The following KCMF1 variants were observed in gnomAD, a reference collection of about 807,000 sequenced individuals.
KCMF1 encodes the protein E3 ubiquitin-protein ligase KCMF1.
In KCMF1, 3 loss-of-function variants were observed where a neutral mutation model predicts 41.1. The observed-to-expected ratio is 0.07, with a 90% CI of 0.03 to 0.19. The LOEUF is 0.19. Ranked by LOEUF, KCMF1 falls within the 10% of genes least tolerant of loss-of-function variation. The pLI, the probability that KCMF1 is intolerant of heterozygous loss-of-function variation, is 1.00. For missense variants in KCMF1, 286 were observed against 488.9 expected, an observed-to-expected ratio of 0.58 and a Z score of 3.91; for synonymous variants, 142 against 164.5, an observed-to-expected ratio of 0.86 and a Z score of 1.04.
chr2:85,009,663 CCT>C (rs765556114), intron 1 of KCMF1, among the ~76,000 whole-genome samples: 4 of 152,102 alleles, frequency 2.6e-5, no homozygotes, highest in Admixed American at 2.6e-4. Context: ...TCTCTTCCCC[CCT>C]CTTCTTTCTT....
intron 1 of KCMF1, among the ~76,000 whole-genome samples, chr2:85,027,331 G>A (rs918223613): frequency 3.8e-5 from 5 of 132,234 alleles, no homozygotes; most frequent in Admixed American, 7.9e-5. Context: ...GTTCCTCTTC[G>A]TCTTGGTTTT....
chr2:84,983,639 G>T (rs1673822721), intron 1 of KCMF1, among the ~76,000 whole-genome samples: 1 of 152,078 alleles, frequency 6.6e-6, no homozygotes. Flanking sequence ...TCCCAAAGTA[G>T]CTGGGATTAC....
chr2:85,039,044 AAG>A (rs1411808372), intron 3 of KCMF1, among the ~76,000 whole-genome samples: 1 of 152,172 alleles, frequency 6.6e-6, no homozygotes, highest in Non-Finnish European at 1.5e-5. Flanking sequence ...AGTTTTTAAA[AAG>A]AGATGAAATT....
At chr2:85,039,739 AAGG>A (rs1211720841) in intron 3 of KCMF1, among the ~76,000 whole-genome samples, 2 of 152,158 alleles carry the variant, frequency 1.3e-5, no homozygotes, top group Admixed American at 1.3e-4. Context: ...TGGCAAGGTG[AAGG>A]AGAAGAGGAA....
chr2:85,058,651 A>G lies in KCMF1; in HGVS notation c.*5242A>G, dbSNP rs570979573. On this transcript the variant is annotated 3_prime_UTR_variant, in exon 7 of 7. Transcript: ENST00000409785. ...ACGAAGCTTTGTCTAAACATTATTT[A>G]CCAACTGCGATTTTTACAGACTTCC... 6.6e-6 allele frequency: 1 copy of G among 152,192 alleles called. No homozygotes were observed. The highest frequency in any genetic ancestry group is 2.1e-4 in the South Asian group (1 of 4,834). 9.4% of individuals were successfully genotyped at this position (152,192 alleles called of 1,614,324 possible).
intron 1 of KCMF1, among the ~76,000 whole-genome samples, chr2:84,982,519 AG>A (rs1226027661): frequency 6.9e-6 from 1 of 145,002 alleles, no homozygotes; most frequent in African/African-American, 2.6e-5. Context: ...CTCCTGCCTC[AG>A]CCTCCCGAGT....
chr2:84,980,118 C>T (rs189009911), intron 1 of KCMF1, among the ~76,000 whole-genome samples: 130 of 152,226 alleles, frequency 8.5e-4, no homozygotes, highest in African/African-American at 3.0e-3. Flanking sequence ...AGGCATGAGC[C>T]ACTGCGCCCA....
chr2:85,025,554 C>T (rs959143708), intron 1 of KCMF1, among the ~76,000 whole-genome samples: 3 of 152,174 alleles, frequency 2.0e-5, no homozygotes, highest in Non-Finnish European at 4.4e-5. Flanking sequence ...CTGGCAACCA[C>T]TGTTCTACTT....
intron 1 of KCMF1, among the ~76,000 whole-genome samples, chr2:85,008,028 G>A (rs540214792): frequency 6.6e-6 from 1 of 151,880 alleles, no homozygotes; most frequent in Non-Finnish European, 1.5e-5. Flanking sequence ...CTCCCAAAGT[G>A]CTGGGATTAC....
chr2:85,012,519 G>A (rs997995505), intron 1 of KCMF1, among the ~76,000 whole-genome samples: 7 of 151,880 alleles, frequency 4.6e-5, no homozygotes, highest in Admixed American at 3.3e-4. Context: ...CCGTATTACC[G>A]TATATCACTC....
intron 1 of KCMF1, among the ~76,000 whole-genome samples, chr2:84,982,231 C>T (rs1367044472): frequency 1.3e-5 from 2 of 152,070 alleles, no homozygotes; most frequent in Non-Finnish European, 2.9e-5. Flanking sequence ...TAGCTGTACC[C>T]TACTGTTCTT....
At chr2:85,044,439 A>G (rs188982653) in intron 4 of KCMF1, among the ~76,000 whole-genome samples, 2 of 151,752 alleles carry the variant, frequency 1.3e-5, no homozygotes, top group East Asian at 1.9e-4. Flanking sequence ...CAATGGTGCT[A>G]TCTTCAGCTT....
intron 2 of KCMF1, among the ~76,000 whole-genome samples, chr2:85,033,145 A>G (rs868271364): frequency 1.3e-5 from 2 of 152,322 alleles, no homozygotes; most frequent in Middle Eastern, 6.8e-3. Flanking sequence ...CACCTAATAA[A>G]TGGTCAATAT....
rs1673385434 is a variant in KCMF1, at chr2:84,971,310, GCTCCCCTGCCCACC to G, written c.-140_-127del. The stretch of plus-strand genomic sequence containing the variant: ...CCGCCGCCGCCGCCGCCGCGGGAGC[GCTCCCCTGCCCACC>G]CCGCCCCCGCGGCCGAGCCCGGGAG... On this transcript the variant is annotated 5_prime_UTR_variant, in exon 1 of 7. Transcript: ENST00000409785. 3 of 222,838 alleles carry G rather than the reference GCTCCCCTGCCCACC, an allele frequency of 1.3e-5. No homozygotes were observed. The highest frequency in any genetic ancestry group is 1.5e-4 in the South Asian group (1 of 6,740). 13.8% of individuals were successfully genotyped at this position (222,838 alleles called of 1,614,324 possible).
intron 1 of KCMF1, among the ~76,000 whole-genome samples, chr2:85,012,516 A>C (rs775477962): frequency 1.3e-5 from 2 of 152,152 alleles, no homozygotes; most frequent in African/African-American, 2.4e-5. Flanking sequence ...TTTCCGTATT[A>C]CCGTATATCA....
intron 2 of KCMF1, among the ~76,000 whole-genome samples, chr2:85,030,272 C>T (rs750392578): frequency 6.6e-5 from 10 of 151,668 alleles, no homozygotes; most frequent in Admixed American, 3.9e-4. Context: ...CAAAAATTTT[C>T]TCCCATTCTG....
At chr2:85,047,043 C>T (rs1675684129) in intron 5 of KCMF1, among the ~76,000 whole-genome samples, 1 of 152,010 alleles carries the variant, frequency 6.6e-6, no homozygotes, top group South Asian at 2.1e-4. Context: ...TAGGAAAAAA[C>T]ATAGTATGTA....
intron 1 of KCMF1, among the ~76,000 whole-genome samples, chr2:85,008,298 A>C (rs12614671): frequency 0.048 from 3,759 of 77,750 alleles, 154 homozygotes; most frequent in Non-Finnish European, 0.063. Context: ...TAATATATAT[A>C]ATATATAATA....
chr2:85,029,742 C>T (rs1303351708), intron 2 of KCMF1, among the ~76,000 whole-genome samples: 9 of 138,158 alleles, frequency 6.5e-5, no homozygotes, highest in Non-Finnish European at 1.1e-4. Flanking sequence ...AGTGCAATGG[C>T]GCCATCTCAG....
Sources: allele counts gnomAD v4.1 joint callset (sites outside exome capture counted in the v4.1 genomes callset), GRCh38; gene constraint gnomAD v4.1.1; transcripts MANE v1.5; gene names NCBI Gene and HGNC (gene_info 2026-07-23, HGNC 2026-07-21).